The following SOD2 variants were observed in gnomAD, a reference collection of about 807,000 sequenced individuals.
SOD2 encodes superoxide dismutase [Mn], mitochondrial.
In SOD2, 11 loss-of-function variants were observed where a neutral mutation model predicts 27.0. The observed-to-expected ratio is 0.41, with a 90% CI of 0.26 to 0.67. The LOEUF is 0.67. Among genes scored for constraint, SOD2 ranks in the 30% least tolerant of loss-of-function variants. The probability of loss-of-function intolerance (pLI) is 0.34; values close to 1 mark genes in which losing one functional copy is unlikely to be tolerated. For synonymous variants in SOD2, 105 were observed against 103.0 expected (o/e 1.02, Z -0.12); for missense variants, 250 against 274.5 (o/e 0.91, Z 0.63).
At chr6:159,728,641 T>A (rs1364695760), upstream of SOD2, among the ~76,000 whole-genome samples, 1 of 152,230 alleles carries the variant, frequency 6.6e-6, no homozygotes, top group African/African-American at 2.4e-5. Context: ...TTGTGGACAT[T>A]TAAAACCGTA....
At chr6:159,687,736 C>T (rs531826435) in intron 3 of SOD2, among the ~76,000 whole-genome samples, 6 of 151,998 alleles carry the variant, frequency 3.9e-5, no homozygotes, top group South Asian at 4.2e-4. Context: ...AGGCCAGGCA[C>T]GGTGGCTCAT....
At chr6:159,693,026 C>T in intron 1 of SOD2, 119 bp downstream of exon 1, 5 of 1,437,562 alleles carry the variant, frequency 3.5e-6, no homozygotes, top group Non-Finnish European at 4.6e-6. Flanking sequence ...GGAGAACCGC[C>T]TGCAGGTGCC....
intron 1 of SOD2, among the ~76,000 whole-genome samples, chr6:159,710,439 C>T (rs1389677662): frequency 6.6e-6 from 1 of 151,910 alleles, no homozygotes; most frequent in Non-Finnish European, 1.5e-5. Context: ...CAGAGTTAGA[C>T]TCTGTCTCAA....
chr6:159,733,464 T>C (rs966288534), intron 1 of SOD2, among the ~76,000 whole-genome samples: 1 of 58,990 alleles, frequency 1.7e-5, no homozygotes, highest in Non-Finnish European at 3.9e-5. Flanking sequence ...CAAAAAAAAT[T>C]ACAAAAAATT....
upstream of SOD2, among the ~76,000 whole-genome samples, chr6:159,745,473 C>T (rs746479746): frequency 1.1e-4 from 17 of 151,450 alleles, no homozygotes; most frequent in Non-Finnish European, 2.1e-4. Context: ...CACCTGCATA[C>T]GCCAGCTGAA....
intron 1 of SOD2, among the ~76,000 whole-genome samples, chr6:159,732,376 T>C (rs879611463): frequency 6.6e-6 from 1 of 152,122 alleles, no homozygotes; most frequent in Non-Finnish European, 1.5e-5. Flanking sequence ...AATATAGCTG[T>C]TTTCAAACTG....
At chr6:159,715,484 C>T (rs760988207) in intron 1 of SOD2, among the ~76,000 whole-genome samples, 9 of 152,050 alleles carry the variant, frequency 5.9e-5, no homozygotes, top group Non-Finnish European at 8.8e-5. Context: ...AACAAAAAAC[C>T]GTCCTTTTAA....
intron 1 of SOD2, chr6:159,755,246 G>A (rs1779958616): frequency 3.1e-6 from 5 of 1,614,158 alleles, no homozygotes; most frequent in Non-Finnish European, 4.2e-6. Flanking sequence ...TCTGACAAAC[G>A]GACCAAGTAA....
chr6:159,700,419 C>T (rs1392791759), intron 1 of SOD2, among the ~76,000 whole-genome samples: 13 of 152,110 alleles, frequency 8.5e-5, no homozygotes, highest in Admixed American at 8.5e-4. Flanking sequence ...CTTTGGGAGG[C>T]CGAGGTGGGT....
intron 1 of SOD2, among the ~76,000 whole-genome samples, chr6:159,698,580 A>G (rs1196445025): frequency 0.013 from 579 of 43,740 alleles, 2 homozygotes; most frequent in African/African-American, 0.027. Context: ...TCAAAAAAAA[A>G]AAAAAAAAAA....
Position 159,753,242 on chromosome 6 carries a change from T to G in SOD2, c.-335-4566A>C, listed in dbSNP as rs191588923. 211 of 574,152 alleles carry G rather than the reference T, an allele frequency of 3.7e-4. No individual in the cohort carries two copies. In the African/African-American group the frequency reaches 3.8e-3, roughly 10 times the overall value. 35.6% of individuals were successfully genotyped at this position (574,152 alleles called of 1,614,324 possible). A position where few individuals can be genotyped will look rare whatever the true frequency, so the allele number is the denominator to read the frequency against. On this transcript the variant is annotated intron_variant, in intron 1 of 7. Transcript: ENST00000546087. ...GTAATAGAAACAAGGTGTAGCTGTT[T>G]GGGCACTTTTTGTTTAGGGTTTATT...
intron 1 of SOD2, among the ~76,000 whole-genome samples, chr6:159,757,364 G>C (rs900604588): frequency 3.3e-5 from 5 of 151,928 alleles, no homozygotes; most frequent in Non-Finnish European, 7.4e-5. Flanking sequence ...GTCTTCAGCA[G>C]TATGTTAAAT....
chr6:159,682,458 A>G lies in SOD2; in HGVS notation c.*35T>C, dbSNP rs1384674780. 1 of 1,598,786 alleles carries G rather than the reference A, an allele frequency of 6.3e-7. No homozygotes were observed. Among genetic ancestry groups the G allele is most frequent in the Non-Finnish European group, 8.5e-7 (1 of 1,172,128 alleles). ...TCTATACCACTACAAAAACAGTCAT[A>G]AAGAGCTTAACATACTCAGCATAAC... On this transcript the variant is annotated 3_prime_UTR_variant, in exon 5 of 5. Transcript: ENST00000538183.
chr6:159,690,284 C>CAAA (rs11429489), intron 2 of SOD2, among the ~76,000 whole-genome samples: 17 of 67,010 alleles, frequency 2.5e-4, no homozygotes, highest in African/African-American at 7.2e-4. Flanking sequence ...GAGATTCCGT[C>CAAA]AAAAAAAAAA....
intron 2 of SOD2, among the ~76,000 whole-genome samples, chr6:159,690,284 CAAAAAAA>C (rs11429489): frequency 3.0e-5 from 2 of 67,016 alleles, no homozygotes; most frequent in Non-Finnish European, 5.6e-5. Context: ...GAGATTCCGT[CAAAAAAA>C]AAAAAAAAAA....
In SOD2 at chr6:159,673,210, G is replaced by C. The variant is rs934305114; in HGVS notation, c.*9283C>G. ...ATCAACGAGACAGAAAGTTAACAAGGATATCCAGGAATTGAATTCAGCTCT... is the reference window on the plus strand; with the variant it reads ...ATCAACGAGACAGAAAGTTAACAAGCATATCCAGGAATTGAATTCAGCTCT... On this transcript the variant is annotated 3_prime_UTR_variant, in exon 5 of 5. Coordinates refer to ENST00000538183, the MANE Select transcript of SOD2 (RefSeq NM_000636.4). 1 of 152,022 alleles carries C rather than the reference G, an allele frequency of 6.6e-6. No individual in the cohort carries two copies. The highest frequency in any genetic ancestry group is 1.5e-5 in the Non-Finnish European group (1 of 68,014). The allele number at this position is 152,022 out of a possible 1,614,324, so 9.4% of individuals were successfully genotyped here.
intron 1 of SOD2, chr6:159,755,580 C>G (rs1460781026): frequency 1.2e-6 from 2 of 1,613,204 alleles, no homozygotes; most frequent in Admixed American, 3.3e-5. Context: ...GGCTTGGACT[C>G]AAGTGTAAAT....
At chr6:159,715,967 T>C (rs1777916087) in intron 1 of SOD2, among the ~76,000 whole-genome samples, 1 of 152,204 alleles carries the variant, frequency 6.6e-6, no homozygotes, top group South Asian at 2.1e-4. Context: ...TTATTGTAGT[T>C]AGCTTTTTGT....
At chr6:159,743,926 T>G in intron 1 of SOD2, 1 of 1,004,442 alleles carries the variant, frequency 1.0e-6, no homozygotes, top group Non-Finnish European at 1.3e-6. Flanking sequence ...CTTTGAGCTT[T>G]AAGAATACTA....
Sources: gnomAD v4.1 joint callset for allele counts (sites outside exome capture counted in the v4.1 genomes callset) on GRCh38, gnomAD v4.1.1 for gene constraint, MANE v1.5 for transcripts, NCBI Gene and HGNC (gene_info 2026-07-23, HGNC 2026-07-21) for gene names.